Variants in PCDH9 observed in about 807,000 individuals in gnomAD.
The protein encoded by PCDH9 is protocadherin 9.
PCDH9 carries 24 observed loss-of-function variants against 70.6 expected under a neutral mutation model. That is an observed-to-expected ratio of 0.34 (90% CI 0.25 to 0.48). The LOEUF (loss-of-function observed/expected upper bound fraction) is 0.48, where lower values mean the gene tolerates loss of function less well. Ranked by LOEUF, PCDH9 falls within the 20% of genes least tolerant of loss-of-function variation. The pLI is 0.99. For missense variants in PCDH9, 1,281 were observed against 1,503.6 expected, an observed-to-expected ratio of 0.85 and a Z score of 2.45; for synonymous variants, 562 against 558.5, an observed-to-expected ratio of 1.01 and a Z score of -0.09.
At chr13:66,869,978 T>C (rs1286344714) in intron 3 of PCDH9, among the ~76,000 whole-genome samples, 2 of 152,212 alleles carry the variant, frequency 1.3e-5, no homozygotes, top group Admixed American at 1.3e-4. Context: ...TTTGGTGTTT[T>C]AGACATGAAG....
chr13:66,774,055 G>A (rs2079852512), intron 3 of PCDH9, among the ~76,000 whole-genome samples: 1 of 152,102 alleles, frequency 6.6e-6, no homozygotes, highest in Non-Finnish European at 1.5e-5. Context: ...TGGGATTACA[G>A]GTATGAGCCA....
At chr13:66,574,894 C>T (rs566410929) in intron 4 of PCDH9, among the ~76,000 whole-genome samples, 18 of 152,180 alleles carry the variant, frequency 1.2e-4, no homozygotes, top group Middle Eastern at 3.4e-3. Flanking sequence ...ATTTTTGGGC[C>T]GGGCGCAGTG....
At position 67,228,370 on chromosome 13, in the gene PCDH9, T is replaced by A. The variant is rs771600934; in HGVS notation, c.71A>T (p.Gln24Leu). 6.2e-7 allele frequency: 1 copy of A among 1,613,476 alleles called. No homozygotes were observed. The highest frequency in any genetic ancestry group is 2.2e-5 in the East Asian group (1 of 44,872). Residue 24 changes from glutamine to leucine, a missense_variant, in exon 2 of 5, where the codon CAA (glutamine) becomes CTA (leucine). Around this residue, in one of 4 missense-constraint regions of PCDH9, gnomAD observed 798 missense variants for 1,003.1 expected, o/e 0.80. Transcript: ENST00000377865. The stretch of plus-strand genomic sequence containing the variant: ...CTCTCTAATAGTGTAAATAAGTTCT[T>A]GAGCTATTGCGGAATCCAGCCTTAA... ...ACLRLDSAIA[Q>L]ELIYTIREEL...
chr13:66,730,897 T>TTTG (rs751736780), intron 3 of PCDH9, among the ~76,000 whole-genome samples: 4,049 of 129,072 alleles, frequency 0.031, 166 homozygotes, highest in Middle Eastern at 0.067. Flanking sequence ...GTTTGTTTCT[T>TTTG]TTTTTTTGTG....
chr13:66,686,317 C>T (rs887029128), intron 3 of PCDH9, among the ~76,000 whole-genome samples: 4 of 152,066 alleles, frequency 2.6e-5, no homozygotes, highest in Non-Finnish European at 4.4e-5. Flanking sequence ...ACTTATCTTT[C>T]CTGCCATCAT....
rs1192511900 is a variant in PCDH9 at position 67,155,065 on chromosome 13, TTCTG to T, written c.3036+70336_3036+70339del. On this transcript the variant is annotated intron_variant, in intron 2 of 4. Coordinates refer to ENST00000377865, the MANE Select transcript of PCDH9 (RefSeq NM_203487.3). ...TTTCTTTTGTCAAAGGTGTTTTACT[TTCTG>T]TACAGACGGTTTTCAATTTTGTATT... Among the ~76,000 whole-genome samples, 4 of 152,262 alleles carry T rather than the reference TTCTG, an allele frequency of 2.6e-5. No individual in the cohort carries two copies. In the East Asian group the frequency reaches 7.7e-4, roughly 29 times the overall value.
chr13:66,746,792 A>AT (rs997473536), intron 3 of PCDH9, among the ~76,000 whole-genome samples: 16 of 152,124 alleles, frequency 1.1e-4, no homozygotes, highest in East Asian at 3.9e-4. Flanking sequence ...ACAAGATTAA[A>AT]TTTTTTTTCA....
At chr13:66,905,183 T>C (rs1253399175) in intron 2 of PCDH9, among the ~76,000 whole-genome samples, 1 of 150,980 alleles carries the variant, frequency 6.6e-6, no homozygotes, top group Non-Finnish European at 1.5e-5. Context: ...TTTTTGGCAT[T>C]CAAGAAAAAA....
intron 4 of PCDH9, among the ~76,000 whole-genome samples, chr13:66,378,431 G>C (rs1956788484): frequency 6.6e-6 from 1 of 152,060 alleles, no homozygotes; most frequent in African/African-American, 2.4e-5. Context: ...TAATCTCTCT[G>C]TGTGTGTATG....
chr13:66,309,554 C>T (rs1463746223), intron 4 of PCDH9, among the ~76,000 whole-genome samples: 19 of 151,876 alleles, frequency 1.3e-4, no homozygotes, highest in Admixed American at 1.2e-3. Context: ...TGAATATAAT[C>T]TATAGTTCTC....
intron 2 of PCDH9, among the ~76,000 whole-genome samples, chr13:67,121,958 A>G (rs896039224): frequency 2.0e-5 from 3 of 152,160 alleles, no homozygotes; most frequent in Non-Finnish European, 2.9e-5. Flanking sequence ...ACACATATCT[A>G]TTTTAAAGTG....
intron 2 of PCDH9, among the ~76,000 whole-genome samples, chr13:67,065,728 G>A (rs924945737): frequency 1.3e-5 from 2 of 152,058 alleles, no homozygotes; most frequent in South Asian, 2.1e-4. Context: ...GGTTAGTAGG[G>A]GCAGAGCAGG....
At chr13:66,626,993 A>G (rs2077508307) in intron 4 of PCDH9, among the ~76,000 whole-genome samples, 1 of 139,382 alleles carries the variant, frequency 7.2e-6, no homozygotes, top group Non-Finnish European at 1.6e-5. Flanking sequence ...GTGTGTTTAG[A>G]AGCAATAACC....
At chr13:66,826,884 G>T (rs1329700157) in intron 3 of PCDH9, among the ~76,000 whole-genome samples, 1 of 152,122 alleles carries the variant, frequency 6.6e-6, no homozygotes, top group Non-Finnish European at 1.5e-5. Context: ...TTTGGTTTCA[G>T]CAGAGCAATT....
chr13:67,056,886 T>C (rs1475994233), intron 2 of PCDH9, among the ~76,000 whole-genome samples: 1 of 152,138 alleles, frequency 6.6e-6, no homozygotes, highest in Non-Finnish European at 1.5e-5. Context: ...ACTTTTAAGA[T>C]AGCACTGATA....
At chr13:66,742,427 G>A (rs1306247353) in intron 3 of PCDH9, among the ~76,000 whole-genome samples, 2 of 128,806 alleles carry the variant, frequency 1.6e-5, no homozygotes, top group African/African-American at 6.2e-5. Context: ...CAGGACATAG[G>A]CATGGGCAAG....
At chr13:66,884,542 G>C (rs909284053) in intron 3 of PCDH9, among the ~76,000 whole-genome samples, 2 of 152,116 alleles carry the variant, frequency 1.3e-5, no homozygotes, top group Admixed American at 6.6e-5. Context: ...TGAAGGAGCA[G>C]AAGGTAAAAG....
At chr13:66,616,470 T>G (rs943534213) in intron 4 of PCDH9, among the ~76,000 whole-genome samples, 2 of 144,994 alleles carry the variant, frequency 1.4e-5, no homozygotes, top group Non-Finnish European at 3.0e-5. Context: ...CATTCGTCAT[T>G]AAATTCTAAA....
chr13:66,778,135 G>A (rs2079929810), intron 3 of PCDH9, among the ~76,000 whole-genome samples: 1 of 129,942 alleles, frequency 7.7e-6, no homozygotes. Context: ...ACTGTTGTGG[G>A]GTGGGGGGAG....
Sources: allele counts gnomAD v4.1 joint callset (sites outside exome capture counted in the v4.1 genomes callset), GRCh38; gene constraint gnomAD v4.1.1; regional missense constraint gnomAD v4.1.1; transcripts MANE v1.5; gene names NCBI Gene and HGNC (gene_info 2026-07-23, HGNC 2026-07-21).